The following TESPA1 variants were observed in gnomAD, a reference collection of about 807,000 sequenced individuals.
The protein encoded by TESPA1 is thymocyte expressed, positive selection associated 1, also known as protein TESPA1.
A neutral mutation model predicts 57.9 loss-of-function variants in TESPA1; 33 were observed. The ratio of observed to expected loss-of-function variants is 0.57; its 90% CI spans 0.43 to 0.76. TESPA1 has a LOEUF of 0.76. TESPA1 is among the 30% of genes least tolerant of loss of function. The pLI, the probability that TESPA1 is intolerant of heterozygous loss-of-function variation, is 0.00. For synonymous variants in TESPA1, 227 were observed against 228.9 expected (o/e 0.99, Z 0.07); for missense variants, 618 against 632.9 (o/e 0.98, Z 0.25).
chr12:54,972,119 A>G (rs1374290677), intron 3 of TESPA1, among the ~76,000 whole-genome samples: 1 of 152,240 alleles, frequency 6.6e-6, no homozygotes, highest in Non-Finnish European at 1.5e-5. Context: ...TAGTAGCACA[A>G]GAATTAGGCT....
intron 10 of TESPA1, among the ~76,000 whole-genome samples, chr12:54,960,229 T>C (rs1461500260): frequency 6.6e-6 from 1 of 152,210 alleles, no homozygotes; most frequent in African/African-American, 2.4e-5. Context: ...TTGTAGCAGA[T>C]AGGTGGTTAA....
At chr12:54,971,361 ATCT>A (rs1293876667) in intron 3 of TESPA1, among the ~76,000 whole-genome samples, 1 of 152,210 alleles carries the variant, frequency 6.6e-6, no homozygotes, top group African/African-American at 2.4e-5. Flanking sequence ...TTTTCCCTCT[ATCT>A]TCTTCATTAG....
At chr12:54,978,303 A>G (rs1392569472) in intron 1 of TESPA1, among the ~76,000 whole-genome samples, 1 of 152,210 alleles carries the variant, frequency 6.6e-6, no homozygotes, top group Non-Finnish European at 1.5e-5. Context: ...TGTCCAATTA[A>G]TTGACTTATG....
intron 7 of TESPA1, 21 bp from the exon 8 acceptor site, chr12:54,963,971 T>C: frequency 6.2e-7 from 1 of 1,608,174 alleles, no homozygotes. Flanking sequence ...GGAGTTTGGG[T>C]AAATAAGGGA....
Position 54,962,765 on chromosome 12 carries a change from G to A in TESPA1, c.1133C>T (p.Pro378Leu). The A allele has an allele frequency of 6.2e-7, 1 of 1,613,870 alleles. No individual in the cohort carries two copies. The highest frequency in any genetic ancestry group is 2.2e-5 in the East Asian group (1 of 44,846). Reference sequence around the variant, plus strand: ...GGGGTTCGAATCCAGAGTTTGGGATGGTGCTAGCACTGTGGACATCCTCTG... The same window carrying A: ...GGGGTTCGAATCCAGAGTTTGGGATAGTGCTAGCACTGTGGACATCCTCTG... ...TQQRMSTVLA[P>L]SQTLDSNPKV... Residue 378 changes from proline to leucine, a missense_variant, in exon 9 of 11, where the codon CCA becomes CTA. Pro to Leu is a moderately conservative substitution (Grantham distance 98). Around this residue, in one of 3 missense-constraint regions of TESPA1, gnomAD observed 409 missense variants for 420.1 expected, o/e 0.97. Coordinates refer to ENST00000449076, the MANE Select transcript of TESPA1 (RefSeq NM_001136030.3).
At chr12:54,950,580 G>C (rs1950320252) in intron 10 of TESPA1, among the ~76,000 whole-genome samples, 190 bp from the exon 11 acceptor site, 1 of 152,144 alleles carries the variant, frequency 6.6e-6, no homozygotes, top group Non-Finnish European at 1.5e-5. Context: ...CATGAGGTGA[G>C]ATTCCTGCAA....
chr12:54,958,409 T>C (rs1950865617), intron 10 of TESPA1, among the ~76,000 whole-genome samples: 2 of 152,224 alleles, frequency 1.3e-5, no homozygotes, highest in South Asian at 4.1e-4. Flanking sequence ...TGTTTTTTCC[T>C]TCTGGCTTCT....
At position 54,968,581 on chromosome 12, in the gene TESPA1, G is replaced by C. The variant is rs77228158; in HGVS notation, c.207-689C>G. 9.0e-3 allele frequency among the ~76,000 whole-genome samples: 1,364 copies of C among 152,270 alleles called. 16 individuals carry two copies. The highest frequency in any genetic ancestry group is 0.014 in the Non-Finnish European group (940 of 68,016). On this transcript the variant is annotated intron_variant, in intron 3 of 10. Transcript: ENST00000449076. ...AATCTGTGACAGGGCTTTGAAATGT[G>C]ATCAGCACATCCAGATTCTAGTCCT... is the stretch of plus-strand genomic sequence containing the variant.
intron 10 of TESPA1, among the ~76,000 whole-genome samples, chr12:54,956,952 C>A (rs549936012): frequency 6.6e-6 from 1 of 152,258 alleles, no homozygotes; most frequent in African/African-American, 2.4e-5. Flanking sequence ...AATCCATTTA[C>A]GAGGACAGAG....
intron 7 of TESPA1, 51 bp from the exon 8 acceptor site, chr12:54,964,001 A>G (rs1951256458): frequency 6.5e-7 from 1 of 1,536,246 alleles, no homozygotes; most frequent in African/African-American, 1.4e-5. Context: ...GACACATGGT[A>G]ATTCAGAATA....
chr12:54,975,171 G>C (rs1051212956), intron 1 of TESPA1, among the ~76,000 whole-genome samples: 3 of 150,998 alleles, frequency 2.0e-5, no homozygotes, highest in African/African-American at 7.3e-5. Flanking sequence ...TTATGTTCCT[G>C]TTTTATATAT....
chr12:54,972,908 T>C (rs3825196), intron 3 of TESPA1, among the ~76,000 whole-genome samples: 55,491 of 151,988 alleles, frequency 0.37, 13,022 homozygotes, highest in East Asian at 0.92. Flanking sequence ...TGTGTCTGGG[T>C]ATACTGAGCC....
At chr12:54,956,348 GAATA>G (rs369357185) in intron 10 of TESPA1, among the ~76,000 whole-genome samples, 15 of 152,258 alleles carry the variant, frequency 9.9e-5, no homozygotes, top group Non-Finnish European at 1.6e-4. Flanking sequence ...TTCACAAAGA[GAATA>G]AATATTGACC....
In TESPA1 at chr12:54,962,848, A is replaced by G; in HGVS notation, c.1050T>C (p.Gly350=). The change falls in exon 9 of 11, where the codon GGT becomes GGC. Residue 350 remains glycine (G), a synonymous_variant. Coordinates refer to ENST00000449076, the MANE Select transcript of TESPA1 (RefSeq NM_001136030.3). ...GATAGGGAGAAGTGGGCAACTTCTTACCCTCAGCAGGGGGCACAGGATCTT... is the reference window on the plus strand; with the variant it reads ...GATAGGGAGAAGTGGGCAACTTCTTGCCCTCAGCAGGGGGCACAGGATCTT... ...SQEDPVPPAE[G]KKLPTSPYPC... 6.2e-7 allele frequency: 1 copy of G among 1,613,764 alleles called. No individual in the cohort carries two copies. Among genetic ancestry groups the G allele is most frequent in the Non-Finnish European group, 8.5e-7 (1 of 1,179,776 alleles).
At chr12:54,961,110 C>A in intron 10 of TESPA1, 58 bp downstream of exon 10, 2 of 1,598,118 alleles carry the variant, frequency 1.3e-6, no homozygotes, top group Admixed American at 1.7e-5. Context: ...AAAAACCTTC[C>A]TCATTTGATT....
chr12:54,968,050 T>C, intron 3 of TESPA1, 158 bp from the exon 4 acceptor site: 1 of 1,516,818 alleles, frequency 6.6e-7, no homozygotes, highest in East Asian at 2.5e-5. Context: ...GAGTGGTTAC[T>C]TGTCTGAAAA....
At chr12:54,968,717 A>T (rs763579706) in intron 3 of TESPA1, among the ~76,000 whole-genome samples, 1 of 152,100 alleles carries the variant, frequency 6.6e-6, no homozygotes, top group Admixed American at 6.6e-5. Context: ...AATTTTGTAG[A>T]GTTTGCTTTC....
At chr12:54,968,324 C>T (rs962421863) in intron 3 of TESPA1, among the ~76,000 whole-genome samples, 19 of 152,222 alleles carry the variant, frequency 1.2e-4, no homozygotes, top group African/African-American at 4.1e-4. Flanking sequence ...TAACTACCCA[C>T]ACTTCCTTCC....
intron 1 of TESPA1, among the ~76,000 whole-genome samples, chr12:54,983,011 G>A (rs952337603): frequency 1.3e-5 from 2 of 152,100 alleles, no homozygotes; most frequent in Admixed American, 1.3e-4. Context: ...GCCTTAGGTG[G>A]AAAAGAGAAC....
Sources: gnomAD v4.1 joint callset for allele counts (sites outside exome capture counted in the v4.1 genomes callset) on GRCh38, gnomAD v4.1.1 for gene constraint, gnomAD v4.1.1 regional missense constraint, MANE v1.5 for transcripts, NCBI Gene and HGNC (gene_info 2026-07-23, HGNC 2026-07-21) for gene names.